Variants in HERC2 observed in about 807,000 individuals in gnomAD.
HERC2 encodes E3 ubiquitin-protein ligase HERC2.
A neutral mutation model predicts 537.7 loss-of-function variants in HERC2; 102 were observed. The ratio of observed to expected loss-of-function variants is 0.19; its 90% CI spans 0.16 to 0.22. The LOEUF (loss-of-function observed/expected upper bound fraction) is 0.22, where lower values mean the gene tolerates loss of function less well. Ranked by LOEUF, HERC2 falls within the 10% of genes least tolerant of loss-of-function variation. HERC2 has a pLI of 1.00. For synonymous variants in HERC2, 2,224 were observed against 2,466.2 expected, an observed-to-expected ratio of 0.90 and a Z score of 2.91; for missense variants, 4,236 against 6,198.2, an observed-to-expected ratio of 0.68 and a Z score of 10.63.
chr15:28,143,912 A>G lies in HERC2; in HGVS notation c.11379T>C (p.Asn3793=). Residue 3793 remains asparagine, a synonymous_variant, in exon 74 of 93, where the codon AAT becomes AAC. Coordinates refer to ENST00000261609, the MANE Select transcript of HERC2 (RefSeq NM_004667.6). ...CCCCATCATTTTCTCCAAGCAGCCT[A>G]TTTATGTTAATTGACTGCCCAAATT... ...TTEFGQSINI[N]RLLGENDGET... is the part of the protein sequence containing the mutation. 6.2e-7 allele frequency: 1 copy of G among 1,614,086 alleles called. No homozygotes were observed. The highest frequency in any genetic ancestry group is 8.5e-7 in the Non-Finnish European group (1 of 1,180,012).
In HERC2 at chr15:28,167,843, AC is replaced by A; in HGVS notation, c.10414-17del. 2 of 1,589,874 alleles carry A rather than the reference AC, an allele frequency of 1.3e-6. No individual in the cohort carries two copies. The highest frequency in any genetic ancestry group is 1.7e-6 in the Non-Finnish European group (2 of 1,171,054). On this transcript the variant is annotated splice_polypyrimidine_tract_variant and intron_variant, in intron 67 of 92. Coordinates refer to ENST00000261609, the MANE Select transcript of HERC2 (RefSeq NM_004667.6). Reference sequence around the variant, plus strand: ...AGGAAACAATCTAGTCCAAGAGTGCACAGTAGGGGAAGTTTAAGTGGAAAAA... The same window carrying A: ...AGGAAACAATCTAGTCCAAGAGTGCAAGTAGGGGAAGTTTAAGTGGAAAAA...
At chr15:28,295,049 A>G (rs1470642388) in intron 3 of HERC2, among the ~76,000 whole-genome samples, 1 of 152,052 alleles carries the variant, frequency 6.6e-6, no homozygotes, top group African/African-American at 2.4e-5. Flanking sequence ...CAGAATTGCA[A>G]ATTAAAACCA....
intron 2 of HERC2, among the ~76,000 whole-genome samples, chr15:28,313,450 G>A (rs928915302): frequency 6.6e-6 from 1 of 151,924 alleles, no homozygotes; most frequent in East Asian, 1.9e-4. Flanking sequence ...TTACAGGCGG[G>A]AGCCACCGCA....
At chr15:28,254,603 T>C (rs2140884382) in intron 19 of HERC2, 85 bp from the exon 20 acceptor site, 5 of 845,784 alleles carry the variant, frequency 5.9e-6, no homozygotes, top group Non-Finnish European at 7.2e-6. Flanking sequence ...CTAACCCCAG[T>C]GCCAAGCTAT....
intron 3 of HERC2, among the ~76,000 whole-genome samples, chr15:28,295,306 T>TG (rs1271490055): frequency 0.01 from 9 of 862 alleles, no homozygotes; most frequent in Admixed American, 0.033. Flanking sequence ...CCTACATGTG[T>TG]GTGGGGGGGG....
intron 74 of HERC2, among the ~76,000 whole-genome samples, chr15:28,143,549 C>T (rs1240203262): frequency 3.9e-5 from 6 of 152,048 alleles, no homozygotes; most frequent in Non-Finnish European, 5.9e-5. Context: ...CAGGTTCAAG[C>T]GATTCTCCTG....
intron 2 of HERC2, among the ~76,000 whole-genome samples, chr15:28,317,236 G>A (rs751461055): frequency 2.2e-4 from 33 of 152,064 alleles, no homozygotes; most frequent in African/African-American, 6.8e-4. Flanking sequence ...GATTACAAGC[G>A]CACACTACCA....
chr15:28,199,304 A>G (rs577628214), intron 48 of HERC2, among the ~76,000 whole-genome samples: 7 of 152,312 alleles, frequency 4.6e-5, no homozygotes, highest in African/African-American at 1.4e-4. Flanking sequence ...AAAGGAAGGG[A>G]GCTTTCAAAG....
chr15:28,148,667 G>GT (rs2142305057), intron 70 of HERC2, among the ~76,000 whole-genome samples: 1 of 150,564 alleles, frequency 6.6e-6, no homozygotes, highest in South Asian at 2.1e-4. Flanking sequence ...GCACATTCTA[G>GT]TAACACTACC....
At chr15:28,151,430 C>T (rs1227235126) in intron 70 of HERC2, among the ~76,000 whole-genome samples, 3 of 152,098 alleles carry the variant, frequency 2.0e-5, no homozygotes, top group African/African-American at 7.2e-5. Flanking sequence ...AATTGCACTA[C>T]TGCACTCCAG....
chr15:28,113,576 C>A lies in HERC2; in HGVS notation c.14016G>T (p.Thr4672=), dbSNP rs376290379. The A allele has an allele frequency of 1.7e-5, 27 of 1,613,840 alleles. No homozygotes were observed. The Middle Eastern group carries it at 6.6e-4, about 40-fold the overall frequency. Residue 4672 remains threonine (T), a synonymous_variant, in exon 91 of 93, where the codon ACG becomes ACT. Coordinates refer to ENST00000261609, the MANE Select transcript of HERC2 (RefSeq NM_004667.6). The surrounding 1 kb of genome is among the most constrained non-coding windows in gnomAD (Gnocchi z 7.0). ...LSLFTGYELE[T]MVCGSPDIPL... ...CCCCACCTGGGGGTCGGCATACCATCGTCTCCAGTTCGTAGCCGGTGAACA... is the reference window on the plus strand; with the variant it reads ...CCCCACCTGGGGGTCGGCATACCATAGTCTCCAGTTCGTAGCCGGTGAACA...
chr15:28,144,595 T>C (rs138535006), intron 72 of HERC2, 78 bp downstream of exon 72: 28 of 1,569,076 alleles, frequency 1.8e-5, no homozygotes, highest in Non-Finnish European at 4.4e-6. Context: ...TACGTGGACA[T>C]GTGCACGTGT....
At chr15:28,294,637 CAG>C (rs901377068) in intron 3 of HERC2, among the ~76,000 whole-genome samples, 17 of 151,504 alleles carry the variant, frequency 1.1e-4, no homozygotes, top group Admixed American at 6.6e-5. Flanking sequence ...CCTGCCGGCC[CAG>C]AGTTATTCAA....
At position 28,178,746 on chromosome 15, in the gene HERC2, T is replaced by C. The variant is rs910249582; in HGVS notation, c.9163+141A>G. 3 of 937,350 alleles carry C rather than the reference T, an allele frequency of 3.2e-6. No homozygotes were observed. The African/African-American group carries it at 5.1e-5, about 16-fold the overall frequency. 58.1% of individuals were successfully genotyped at this position (937,350 alleles called of 1,614,324 possible). On this transcript the variant is annotated intron_variant, in intron 59 of 92. Transcript: ENST00000261609. ...AGCAATAACTAAATTCTAGACCACC[T>C]AGAGATTTACATTATCCAATTTTTA...
chr15:28,127,128 G>A (rs1280197310), intron 83 of HERC2, among the ~76,000 whole-genome samples: 1 of 152,230 alleles, frequency 6.6e-6, no homozygotes, highest in Non-Finnish European at 1.5e-5. Flanking sequence ...CGCCTGCGTG[G>A]TCAAGGGCAG....
Position 28,177,214 on chromosome 15 carries a change from T to A in HERC2, c.9255-87A>T. On this transcript the variant is annotated intron_variant, in intron 60 of 92. Transcript: ENST00000261609. This position sits in a 1 kb window ranked among gnomAD's most constrained non-coding sequence, Gnocchi z 5.0. ...AAAGACATCTATACTGATCCACATG[T>A]AGTCAACACAGGATCCACAGATCAA... The A allele has an allele frequency of 7.4e-7, 1 of 1,355,116 alleles. No individual in the cohort carries two copies. Among genetic ancestry groups the A allele is most frequent in the Non-Finnish European group, 1.0e-6 (1 of 980,644 alleles). The allele number at this position is 1,355,116 out of a possible 1,614,324, so 83.9% of individuals were successfully genotyped here. A position where few individuals can be genotyped will look rare whatever the true frequency, so the allele number is the denominator to read the frequency against.
At chr15:28,219,760 C>T (rs1413308429) in intron 37 of HERC2, among the ~76,000 whole-genome samples, 1 of 152,188 alleles carries the variant, frequency 6.6e-6, no homozygotes, top group Admixed American at 6.5e-5. Context: ...CCATGGGGGG[C>T]ACTGCGGTGC....
chr15:28,152,146 T>G (rs924989595), intron 70 of HERC2, among the ~76,000 whole-genome samples: 9 of 152,164 alleles, frequency 5.9e-5, no homozygotes, highest in Admixed American at 2.0e-4. Context: ...GGCAGCACCT[T>G]GCAGAAGGAC....
intron 83 of HERC2, among the ~76,000 whole-genome samples, chr15:28,126,301 C>T (rs1284666816): frequency 6.6e-6 from 1 of 152,132 alleles, no homozygotes; most frequent in African/African-American, 2.4e-5. Context: ...GCATTTTCCA[C>T]GCTCCACTAT....
Sources: gnomAD v4.1 joint callset for allele counts (sites outside exome capture counted in the v4.1 genomes callset) on GRCh38, gnomAD v4.1.1 for gene constraint, Gnocchi (gnomAD v3.1) non-coding constraint, MANE v1.5 for transcripts, NCBI Gene and HGNC (gene_info 2026-07-23, HGNC 2026-07-21) for gene names.